The following ARHGAP20 variants were observed in gnomAD, a reference collection of about 807,000 sequenced individuals.
ARHGAP20 encodes rho GTPase-activating protein 20.
Under a neutral mutation model 73.7 loss-of-function variants are expected in ARHGAP20, and 34 were observed. That is an observed-to-expected ratio of 0.46 (90% CI 0.35 to 0.61). The LOEUF (loss-of-function observed/expected upper bound fraction) is 0.61, where lower values mean the gene tolerates loss of function less well. ARHGAP20 is among the 20% of genes least tolerant of loss of function. The pLI, the probability that ARHGAP20 is intolerant of heterozygous loss-of-function variation, is 0.00. For missense variants in ARHGAP20, 1,314 were observed against 1,420.9 expected, an observed-to-expected ratio of 0.92 and a Z score of 1.21; for synonymous variants, 523 against 518.2, an observed-to-expected ratio of 1.01 and a Z score of -0.13.
intron 9 of ARHGAP20, among the ~76,000 whole-genome samples, chr11:110,604,635 G>T (rs1465734087): frequency 6.6e-6 from 1 of 152,126 alleles, no homozygotes; most frequent in Non-Finnish European, 1.5e-5. Context: ...TTAGTGGATG[G>T]AAAGACCATG....
intron 3 of ARHGAP20, among the ~76,000 whole-genome samples, chr11:110,629,305 G>A (rs1031283652): frequency 3.3e-5 from 5 of 152,114 alleles, no homozygotes; most frequent in African/African-American, 1.2e-4. Context: ...CTGAGCCTCA[G>A]TGTTCAATAT....
intron 1 of ARHGAP20, among the ~76,000 whole-genome samples, chr11:110,700,262 T>C (rs1309915658): frequency 6.6e-6 from 1 of 152,036 alleles, no homozygotes; most frequent in African/African-American, 2.4e-5. Flanking sequence ...TTCAGTTGAA[T>C]TATGGATGCT....
chr11:110,711,158 G>A (rs1326011133), intron 1 of ARHGAP20, among the ~76,000 whole-genome samples: 1 of 152,154 alleles, frequency 6.6e-6, no homozygotes, highest in Non-Finnish European at 1.5e-5. Context: ...ACGTGCACTT[G>A]CTCAGGGAAC....
intron 1 of ARHGAP20, among the ~76,000 whole-genome samples, chr11:110,695,891 T>C (rs1363157517): frequency 6.6e-6 from 1 of 151,578 alleles, no homozygotes; most frequent in East Asian, 1.9e-4. Context: ...GCATTATTCA[T>C]AACAGTAAAA....
At chr11:110,596,212 A>G (rs1947955024) in intron 9 of ARHGAP20, among the ~76,000 whole-genome samples, 1 of 151,878 alleles carries the variant, frequency 6.6e-6, no homozygotes, top group Non-Finnish European at 1.5e-5. Flanking sequence ...CCTAGGCAAT[A>G]CCATTCAGGA....
upstream of ARHGAP20, chr11:110,712,498 GGGCGCCCTGCGCC>G (rs1950691192): frequency 1.9e-5 from 3 of 155,500 alleles, no homozygotes; most frequent in South Asian, 5.8e-4. Context: ...CCTCCGCTCC[GGGCGCCCTGCGCC>G]GGGGCCCGCC....
Position 110,577,722 on chromosome 11 carries a change from G to A in ARHGAP20, c.*1648C>T. 1 of 985,854 alleles carries A rather than the reference G, an allele frequency of 1.0e-6. No homozygotes were observed. The highest frequency in any genetic ancestry group is 1.2e-6 in the Non-Finnish European group (1 of 829,954). The allele number at this position is 985,854 out of a possible 1,614,324, so 61.1% of individuals were successfully genotyped here. A position where few individuals can be genotyped will look rare whatever the true frequency, so the allele number is the denominator to read the frequency against. On this transcript the variant is annotated 3_prime_UTR_variant, in exon 15 of 15. Transcript: ENST00000683387. ...GGCCAGTGTCACGAAGTAGCTCTTT[G>A]GATACAGAGTTCTAAAAGATCATTG...
At chr11:110,705,027 T>G (rs1036013255) in intron 1 of ARHGAP20, among the ~76,000 whole-genome samples, 4 of 152,220 alleles carry the variant, frequency 2.6e-5, no homozygotes, top group Non-Finnish European at 5.9e-5. Context: ...TGTGACACTT[T>G]ATAATGTATT....
chr11:110,660,483 T>TG, intron 2 of ARHGAP20, among the ~76,000 whole-genome samples: 1 of 152,144 alleles, frequency 6.6e-6, no homozygotes, highest in Middle Eastern at 3.2e-3. Context: ...AGGTTTAACT[T>TG]GGGGGTAGGT....
intron 12 of ARHGAP20, among the ~76,000 whole-genome samples, 186 bp from the exon 13 acceptor site, chr11:110,583,923 G>T (rs1947544763): frequency 6.6e-6 from 1 of 151,914 alleles, no homozygotes; most frequent in Admixed American, 6.6e-5. Flanking sequence ...TAGGCATTGG[G>T]AATTTATTTT....
At chr11:110,607,650 T>A (rs1018801033) in intron 8 of ARHGAP20, among the ~76,000 whole-genome samples, 1 of 152,170 alleles carries the variant, frequency 6.6e-6, no homozygotes, top group Non-Finnish European at 1.5e-5. Flanking sequence ...TAATATCAAG[T>A]ACTACAGCAG....
intron 12 of ARHGAP20, among the ~76,000 whole-genome samples, chr11:110,584,363 A>C (rs1947560405): frequency 1.5e-5 from 2 of 129,538 alleles, no homozygotes; most frequent in African/African-American, 5.9e-5. Context: ...ATGATCAGTC[A>C]GCAAAAATGA....
intron 8 of ARHGAP20, among the ~76,000 whole-genome samples, chr11:110,607,469 A>G (rs1591311708): frequency 6.6e-6 from 1 of 152,232 alleles, no homozygotes; most frequent in East Asian, 1.9e-4. Context: ...ACTCTTTAGT[A>G]TTCTAAGTAA....
chr11:110,666,057 T>C (rs1949718451), intron 2 of ARHGAP20, among the ~76,000 whole-genome samples: 1 of 151,950 alleles, frequency 6.6e-6, no homozygotes, highest in African/African-American at 2.4e-5. Flanking sequence ...ATACACACAC[T>C]ATGATTCATT....
At chr11:110,681,812 G>A (rs1001797270) in intron 2 of ARHGAP20, among the ~76,000 whole-genome samples, 4 of 152,058 alleles carry the variant, frequency 2.6e-5, no homozygotes, top group African/African-American at 4.8e-5. Flanking sequence ...AATTACAAAC[G>A]CCTTCTGACT....
chr11:110,601,098 T>C (rs1220483603), intron 9 of ARHGAP20, among the ~76,000 whole-genome samples: 1 of 152,208 alleles, frequency 6.6e-6, no homozygotes, highest in East Asian at 1.9e-4. Flanking sequence ...TAACCCTTTG[T>C]TTCCAGGGGA....
intron 2 of ARHGAP20, among the ~76,000 whole-genome samples, chr11:110,689,493 A>C (rs1248339598): frequency 1.3e-5 from 2 of 152,144 alleles, no homozygotes; most frequent in Non-Finnish European, 2.9e-5. Flanking sequence ...TAAATTAATG[A>C]ATATTTGAAT....
At chr11:110,616,038 C>G (rs1369723329) in intron 4 of ARHGAP20, among the ~76,000 whole-genome samples, 1 of 151,930 alleles carries the variant, frequency 6.6e-6, no homozygotes, top group Non-Finnish European at 1.5e-5. Flanking sequence ...GTAGCTCACA[C>G]GGCCATACAA....
chr11:110,583,797 A>T, intron 12 of ARHGAP20, 60 bp from the exon 13 acceptor site: 1 of 1,355,842 alleles, frequency 7.4e-7, no homozygotes, highest in South Asian at 1.7e-5. Flanking sequence ...TGTAAAGACA[A>T]GCAACTCTCA....
Sources: gnomAD v4.1 joint callset for allele counts (sites outside exome capture counted in the v4.1 genomes callset) on GRCh38, gnomAD v4.1.1 for gene constraint, MANE v1.5 for transcripts, NCBI Gene and HGNC (gene_info 2026-07-23, HGNC 2026-07-21) for gene names.